CELF2: variants seen among roughly 807,000 people sequenced by gnomAD.
CELF2 encodes the protein CUG triplet repeat RNA-binding protein 2.
A neutral mutation model predicts 62.6 loss-of-function variants in CELF2; 8 were observed. The observed-to-expected ratio is 0.13, with a 90% confidence interval of 0.07 to 0.23. The LOEUF (loss-of-function observed/expected upper bound fraction) is 0.23. CELF2 is among the 10% of genes least tolerant of loss of function. The pLI is 1.00. For missense variants in CELF2, 333 were observed against 671.0 expected, an observed-to-expected ratio of 0.50 and a Z score of 5.56; for synonymous variants, 258 against 250.0, an observed-to-expected ratio of 1.03 and a Z score of -0.30.
chr10:11,128,037 C>T (rs1263098620), intron 1 of CELF2, among the ~76,000 whole-genome samples: 1 of 152,048 alleles, frequency 6.6e-6, no homozygotes, highest in African/African-American at 2.4e-5. Context: ...GTCTTTAATC[C>T]ATCTTGAATT....
chr10:10,917,369 C>T (rs2064442823), intron 1 of CELF2, among the ~76,000 whole-genome samples: 1 of 152,186 alleles, frequency 6.6e-6, no homozygotes, highest in South Asian at 2.1e-4. Flanking sequence ...GAATGTCACT[C>T]TGTTGCCCAG....
At position 11,177,339 on chromosome 10, in the gene CELF2, G is replaced by A. The variant is rs2071575112; in HGVS notation, c.271+11657G>A. ...TCCTTATTTTTTTACTTTCTGTGTT[G>A]CTTCTTAAATATACTCCTTCAAGTC... On this transcript the variant is annotated intron_variant, in intron 2 of 12. Coordinates refer to ENST00000633077, the MANE Select transcript of CELF2 (RefSeq NM_001326342.2). The surrounding 1 kb of genome is among the most constrained non-coding windows in gnomAD (Gnocchi z 4.8). 6.6e-6 allele frequency among the ~76,000 whole-genome samples: 1 copy of A among 151,176 alleles called. No individual in the cohort carries two copies. Among genetic ancestry groups the A allele is most frequent in the African/African-American group, 2.4e-5 (1 of 41,070 alleles).
intron 1 of CELF2, among the ~76,000 whole-genome samples, chr10:11,081,299 G>C (rs767368649): frequency 7.2e-5 from 11 of 152,176 alleles, no homozygotes; most frequent in Non-Finnish European, 4.4e-5. Context: ...AGCAGCCTAG[G>C]GGGAGGAAGA....
chr10:11,029,234 A>G (rs192552273), intron 1 of CELF2, among the ~76,000 whole-genome samples: 2 of 152,276 alleles, frequency 1.3e-5, no homozygotes, highest in South Asian at 2.1e-4. Context: ...TGTAGCATCT[A>G]TGTGGTGTCC....
In CELF2 at chr10:11,243,162, C is replaced by T. The variant is rs1565507788; in HGVS notation, c.355-5991C>T. ...TAGGACGCTGATTCTTAGTACACAGCAGCAACAGAGCTTCAGCAGATGCCT... is the reference window on the plus strand; with the variant it reads ...TAGGACGCTGATTCTTAGTACACAGTAGCAACAGAGCTTCAGCAGATGCCT... On this transcript the variant is annotated intron_variant, in intron 3 of 12. Coordinates refer to ENST00000633077, the MANE Select transcript of CELF2 (RefSeq NM_001326342.2). This position sits in a 1 kb window ranked among gnomAD's most constrained non-coding sequence, Gnocchi z 4.1. Among the ~76,000 whole-genome samples, 2 of 152,094 alleles carry T rather than the reference C, an allele frequency of 1.3e-5. No individual in the cohort carries two copies. Among genetic ancestry groups the T allele is most frequent in the Non-Finnish European group, 1.5e-5 (1 of 68,012 alleles).
chr10:10,545,090 G>A, the CELF2 span, among the ~76,000 whole-genome samples: 1 of 152,170 alleles, frequency 6.6e-6, no homozygotes, highest in Non-Finnish European at 1.5e-5. Flanking sequence ...ATCAGCCCAC[G>A]CAAGTCCTCG....
intron 1 of CELF2, among the ~76,000 whole-genome samples, chr10:10,829,677 T>C (rs1335490007): frequency 6.6e-6 from 1 of 152,194 alleles, no homozygotes; most frequent in Non-Finnish European, 1.5e-5. Context: ...AGTGCCTTTC[T>C]AGTAAAAGCT....
chr10:11,196,144 A>C (rs912725001), intron 2 of CELF2, among the ~76,000 whole-genome samples: 3 of 152,198 alleles, frequency 2.0e-5, no homozygotes, highest in African/African-American at 2.4e-5. Flanking sequence ...TTATCATATA[A>C]ATCCCTGAAT....
chr10:10,757,723 AC>A, the CELF2 span, among the ~76,000 whole-genome samples: 1 of 152,206 alleles, frequency 6.6e-6, no homozygotes, highest in African/African-American at 2.4e-5. Flanking sequence ...TTGGATCTAC[AC>A]CTGTGGCTTA....
intron 2 of CELF2, among the ~76,000 whole-genome samples, chr10:11,195,098 C>T (rs1017532075): frequency 1.3e-5 from 2 of 152,224 alleles, no homozygotes; most frequent in African/African-American, 2.4e-5. Context: ...CTGTAGAAAT[C>T]TATGATACTC....
intron 2 of CELF2, among the ~76,000 whole-genome samples, chr10:11,215,196 C>G (rs771533422): frequency 6.6e-6 from 1 of 152,192 alleles, no homozygotes; most frequent in African/African-American, 2.4e-5. Flanking sequence ...TCTCAGGCAG[C>G]GAGCCATGGC....
chr10:10,740,148 CT>C, the CELF2 span, among the ~76,000 whole-genome samples: 1 of 96,956 alleles, frequency 1.0e-5, no homozygotes, highest in Non-Finnish European at 2.0e-5. Flanking sequence ...CTTTTGTTGC[CT>C]GTGCTTTTTT....
chr10:10,756,495 T>C, the CELF2 span, among the ~76,000 whole-genome samples: 3 of 152,244 alleles, frequency 2.0e-5, no homozygotes, highest in Non-Finnish European at 2.9e-5. Context: ...TAAATGTTAA[T>C]TTATAAAATC....
intron 1 of CELF2, among the ~76,000 whole-genome samples, chr10:11,149,837 C>T (rs1432222970): frequency 1.3e-5 from 2 of 152,154 alleles, no homozygotes; most frequent in African/African-American, 4.8e-5. Context: ...CATCTTGCAT[C>T]GACCCCGATG....
At chr10:10,593,357 T>C in the CELF2 span, among the ~76,000 whole-genome samples, 1 of 152,240 alleles carries the variant, frequency 6.6e-6, no homozygotes, top group Non-Finnish European at 1.5e-5. Flanking sequence ...GTAGAATGAC[T>C]TGAGTGACTT....
the CELF2 span, among the ~76,000 whole-genome samples, chr10:10,730,731 G>GGGGAC: frequency 6.6e-6 from 1 of 152,148 alleles, no homozygotes; most frequent in South Asian, 2.1e-4. Flanking sequence ...TGTGGATGAG[G>GGGGAC]GGGACCACAT....
At chr10:10,531,310 G>A in the CELF2 span, among the ~76,000 whole-genome samples, 4 of 152,232 alleles carry the variant, frequency 2.6e-5, no homozygotes, top group Admixed American at 1.3e-4. Context: ...TAGTAGATTA[G>A]GTTTGAGAAA....
At chr10:10,772,005 C>T in the CELF2 span, among the ~76,000 whole-genome samples, 2 of 152,014 alleles carry the variant, frequency 1.3e-5, no homozygotes, top group Admixed American at 6.6e-5. Context: ...TTCATCTGAA[C>T]GTATATGAAA....
rs1402684062 is a variant in CELF2, at chr10:10,997,334, G to T, written c.89+77335G>T. Among the ~76,000 whole-genome samples the T allele has an allele frequency of 6.6e-6, 1 of 152,188 alleles. No individual in the cohort carries two copies. Among genetic ancestry groups the T allele is most frequent in the African/African-American group, 2.4e-5 (1 of 41,456 alleles). On this transcript the variant is annotated intron_variant, in intron 2 of 13. Coordinates refer to the CELF2 transcript ENST00000636488. This position sits in a 1 kb window ranked among gnomAD's most constrained non-coding sequence, Gnocchi z 5.3. ...GTATAAAAAATGAAAAAGAGCTATG[G>T]ATGTGTTATGAGAATTTCAAACTCA...
Sources: gnomAD v4.1 joint callset for allele counts (sites outside exome capture counted in the v4.1 genomes callset) on GRCh38, gnomAD v4.1.1 for gene constraint, Gnocchi (gnomAD v3.1) non-coding constraint, MANE v1.5 for transcripts, NCBI Gene and HGNC (gene_info 2026-07-23, HGNC 2026-07-21) for gene names.